PADI2: variants seen among roughly 807,000 people sequenced by gnomAD.
The protein encoded by PADI2 is peptidyl arginine deiminase 2, also known as protein-arginine deiminase type-2.
Under a neutral mutation model 81.1 loss-of-function variants are expected in PADI2, and 70 were observed. That is an observed-to-expected ratio of 0.86 (90% CI 0.71 to 1.05). PADI2 has a LOEUF of 1.05. PADI2 is among the 50% of genes least tolerant of loss of function. The pLI is 0.00. For missense variants in PADI2, 853 were observed against 889.9 expected (o/e 0.96, Z 0.53); for synonymous variants, 338 against 358.0 (o/e 0.94, Z 0.63).
chr1:17,085,629 C>T (rs902999656), intron 7 of PADI2, among the ~76,000 whole-genome samples: 24 of 152,124 alleles, frequency 1.6e-4, no homozygotes, highest in African/African-American at 5.6e-4. Flanking sequence ...GGCAAACTAC[C>T]CTTAACTAAG....
At chr1:17,090,138 C>T (rs1930632136) in intron 6 of PADI2, among the ~76,000 whole-genome samples, 1 of 152,258 alleles carries the variant, frequency 6.6e-6, no homozygotes, top group Non-Finnish European at 1.5e-5. Flanking sequence ...CTTCTGTCCA[C>T]TCCAATCATT....
intron 12 of PADI2, chr1:17,075,396 G>A (rs984894220): frequency 7.4e-6 from 3 of 405,508 alleles, no homozygotes; most frequent in East Asian, 1.0e-4. Context: ...GGTGTGTCAT[G>A]TGAGTAAAAT....
intron 3 of PADI2, among the ~76,000 whole-genome samples, chr1:17,096,181 C>T (rs1212277922): frequency 1.3e-5 from 2 of 152,224 alleles, no homozygotes; most frequent in Admixed American, 6.5e-5. Flanking sequence ...GACCTCGTAG[C>T]TTACGGCTGC....
rs905921350 is a variant in PADI2, at chr1:17,103,793, C to A, written c.277-734G>T. ...AAAGAATATAAACTACCAGCCTGGG[C>A]AATATAGTAAGACCTGTCTCTAAAA... On this transcript the variant is annotated intron_variant, in intron 2 of 15. Coordinates refer to ENST00000375486, the MANE Select transcript of PADI2 (RefSeq NM_007365.3). Among the ~76,000 whole-genome samples the A allele has an allele frequency of 6.1e-5, 8 of 130,546 alleles. 1 individual carries two copies. Among genetic ancestry groups the A allele is most frequent in the Admixed American group, 5.2e-4 (6 of 11,570 alleles). The allele number at this position is 130,546 out of a possible 152,430, so 85.6% of individuals were successfully genotyped here.
At chr1:17,111,123 T>C in intron 1 of PADI2, among the ~76,000 whole-genome samples, 1 of 140,808 alleles carries the variant, frequency 7.1e-6, no homozygotes, top group South Asian at 2.4e-4. Flanking sequence ...AGTCTTCCTC[T>C]GTTGCCCAGG....
intron 6 of PADI2, among the ~76,000 whole-genome samples, chr1:17,088,238 G>T (rs1422747858): frequency 6.6e-6 from 1 of 152,164 alleles, no homozygotes; most frequent in African/African-American, 2.4e-5. Flanking sequence ...GGGGAGAGGA[G>T]ATACTTGCAT....
intron 9 of PADI2, 158 bp downstream of exon 9, chr1:17,083,568 C>T (rs2078362581): frequency 1.6e-6 from 1 of 613,346 alleles, no homozygotes; most frequent in African/African-American, 1.8e-5. Flanking sequence ...CTGTAGTGCA[C>T]TTGTATGTTT....
intron 3 of PADI2, among the ~76,000 whole-genome samples, chr1:17,096,341 G>C (rs748741212): frequency 4.6e-5 from 7 of 152,254 alleles, no homozygotes; most frequent in Non-Finnish European, 8.8e-5. Flanking sequence ...TAGCAGAACT[G>C]GGGTACACAG....
chr1:17,069,244 T>C lies in PADI2; in HGVS notation c.1798A>G (p.Ile600Val), dbSNP rs2078247525. 6.2e-7 allele frequency: 1 copy of C among 1,614,236 alleles called. No individual in the cohort carries two copies. The highest frequency in any genetic ancestry group is 8.5e-7 in the Non-Finnish European group (1 of 1,180,018). The stretch of plus-strand genomic sequence containing the variant: ...ACCTGTGGCCCGAATGGCTTGGGGA[T>C]GCCCAGGTCCTTGTCCAGCACGATC... ...NMIVLDKDLG[I>V]PKPFGPQVEE... Residue 600 changes from isoleucine (I) to valine (V), a missense_variant, in exon 16 of 16, where the codon ATC (isoleucine) becomes GTC (valine). Ile to Val is a conservative substitution (Grantham distance 29). Coordinates refer to ENST00000375486, the MANE Select transcript of PADI2 (RefSeq NM_007365.3).
rs2078371280 is a variant in PADI2, at chr1:17,084,611, A to G, written c.926T>C (p.Val309Ala). The change falls in exon 8 of 16, where the codon GTG becomes GCG. Residue 309 changes from valine (V) to alanine (A), a missense_variant. Coordinates refer to ENST00000375486, the MANE Select transcript of PADI2 (RefSeq NM_007365.3). ...GGTCACCCCTTACCAGCACACAAAC[A>G]CCGACACGGGAGGCAGGATGTTGGG... Reference protein sequence around the residue: ...MTPNILPPVSVFVCCMKDNYL... With the variant: ...MTPNILPPVSAFVCCMKDNYL... 1.9e-6 allele frequency: 3 copies of G among 1,581,568 alleles called. No individual in the cohort carries two copies. The highest frequency in any genetic ancestry group is 2.6e-6 in the Non-Finnish European group (3 of 1,163,410).
chr1:17,082,906 T>C, intron 9 of PADI2: 1 of 378,204 alleles, frequency 2.6e-6, no homozygotes, highest in Non-Finnish European at 4.8e-6. Context: ...GGTCTCACTC[T>C]GTTGCCCAGG....
intron 11 of PADI2, among the ~76,000 whole-genome samples, chr1:17,078,783 C>T (rs1370957980): frequency 6.6e-6 from 1 of 152,208 alleles, no homozygotes; most frequent in Non-Finnish European, 1.5e-5. Context: ...GCAACCTCCA[C>T]CTCCCAGGCT....
At chr1:17,102,322 C>T (rs1043590186) in intron 3 of PADI2, among the ~76,000 whole-genome samples, 4 of 152,314 alleles carry the variant, frequency 2.6e-5, no homozygotes, top group Admixed American at 2.6e-4. Flanking sequence ...TCCTGTAGAG[C>T]CAGGCTAGGC....
At chr1:17,104,328 T>C (rs1931265468) in intron 2 of PADI2, among the ~76,000 whole-genome samples, 1 of 151,372 alleles carries the variant, frequency 6.6e-6, no homozygotes, top group South Asian at 2.1e-4. Flanking sequence ...ATTTTGTTAA[T>C]ATTTTTTATA....
chr1:17,093,484 C>A, intron 5 of PADI2, 83 bp downstream of exon 5: 1 of 902,278 alleles, frequency 1.1e-6, no homozygotes, highest in South Asian at 1.5e-5. Context: ...CCACACCTGC[C>A]TCACCCTCAG....
intron 6 of PADI2, among the ~76,000 whole-genome samples, chr1:17,089,020 A>G (rs1930577446): frequency 6.6e-6 from 1 of 152,084 alleles, no homozygotes; most frequent in Non-Finnish European, 1.5e-5. Context: ...CCACAGGTTC[A>G]ATGTAAATGA....
chr1:17,077,209 T>C (rs2078310341), intron 11 of PADI2, among the ~76,000 whole-genome samples: 2 of 152,204 alleles, frequency 1.3e-5, no homozygotes, highest in African/African-American at 4.8e-5. Flanking sequence ...TCCCCAGGAA[T>C]GTTTTATCAT....
intron 6 of PADI2, among the ~76,000 whole-genome samples, chr1:17,091,237 T>C (rs1930680630): frequency 6.8e-6 from 1 of 146,684 alleles, no homozygotes; most frequent in African/African-American, 2.5e-5. Context: ...CTGGATCTAG[T>C]AGGCCTGTCT....
intron 3 of PADI2, among the ~76,000 whole-genome samples, chr1:17,098,021 A>T (rs2746507): frequency 0.61 from 93,131 of 151,910 alleles, 28,913 homozygotes; most frequent in African/African-American, 0.68. Context: ...CGGCCACTCC[A>T]GGGGAGGCGT....
Sources: allele counts gnomAD v4.1 joint callset (sites outside exome capture counted in the v4.1 genomes callset), GRCh38; gene constraint gnomAD v4.1.1; transcripts MANE v1.5; gene names NCBI Gene and HGNC (gene_info 2026-07-23, HGNC 2026-07-21).